LIN52: variants seen among roughly 807,000 people sequenced by gnomAD.
LIN52 encodes the protein protein lin-52 homolog.
LIN52 carries 4 observed loss-of-function variants against 18.5 expected under a neutral mutation model. The ratio of observed to expected loss-of-function variants is 0.22; its 90% confidence interval spans 0.11 to 0.49. LIN52 has a LOEUF of 0.49. LIN52 is among the 20% of genes least tolerant of loss of function. The pLI, the probability that LIN52 is intolerant of heterozygous loss-of-function variation, is 0.97. For missense variants in LIN52, 102 were observed against 139.5 expected, an observed-to-expected ratio of 0.73 and a Z score of 1.35; for synonymous variants, 34 against 45.5, an observed-to-expected ratio of 0.75 and a Z score of 1.02.
chr14:74,184,078 G>A (rs973950928), intron 5 of LIN52, among the ~76,000 whole-genome samples: 8 of 152,096 alleles, frequency 5.3e-5, no homozygotes, highest in African/African-American at 1.7e-4. Context: ...AAGAAGATGG[G>A]TTGTTTGTCT....
At chr14:74,124,836 T>C (rs1375258142) in intron 5 of LIN52, among the ~76,000 whole-genome samples, 1 of 111,368 alleles carries the variant, frequency 9.0e-6, no homozygotes, top group South Asian at 4.1e-4. Flanking sequence ...AAAAAAAAGC[T>C]GAGAGGCTCT....
intron 5 of LIN52, among the ~76,000 whole-genome samples, chr14:74,113,241 A>T (rs1229777144): frequency 6.6e-6 from 1 of 152,070 alleles, no homozygotes; most frequent in African/African-American, 2.4e-5. Flanking sequence ...AAAATACACA[A>T]ATTAGCCAGG....
At chr14:74,151,807 C>T (rs927138583) in intron 5 of LIN52, among the ~76,000 whole-genome samples, 1 of 152,146 alleles carries the variant, frequency 6.6e-6, no homozygotes, top group Non-Finnish European at 1.5e-5. Context: ...CATGCAAGTC[C>T]TGACTTTGCT....
At chr14:74,168,391 G>A (rs909742006) in intron 5 of LIN52, among the ~76,000 whole-genome samples, 12 of 152,230 alleles carry the variant, frequency 7.9e-5, no homozygotes, top group African/African-American at 2.2e-4. Context: ...CAGCTTTGCC[G>A]GGCGCGGTGG....
chr14:74,179,972 C>T (rs116143093), intron 5 of LIN52, among the ~76,000 whole-genome samples: 2,077 of 152,246 alleles, frequency 0.014, 47 homozygotes, highest in African/African-American at 0.046. Flanking sequence ...TCTTGAGTTT[C>T]TGATTCAGTA....
chr14:74,198,896 A>C (rs1156286248), intron 5 of LIN52, 26 bp from the exon 6 acceptor site: 2 of 1,568,592 alleles, frequency 1.3e-6, no homozygotes, highest in Admixed American at 3.4e-5. Context: ...GTTTTCATTG[A>C]TCATTTGTTT....
chr14:74,107,510 C>T (rs2060904006), intron 5 of LIN52, among the ~76,000 whole-genome samples: 1 of 152,102 alleles, frequency 6.6e-6, no homozygotes, highest in Non-Finnish European at 1.5e-5. Flanking sequence ...AGTGAGTGCT[C>T]TCTCTGGCCT....
intron 5 of LIN52, among the ~76,000 whole-genome samples, chr14:74,184,925 T>G (rs902683392): frequency 7.9e-5 from 12 of 152,012 alleles, no homozygotes; most frequent in Admixed American, 6.5e-4. Context: ...TCTTTTTTCT[T>G]TTTTATTTAT....
intron 5 of LIN52, among the ~76,000 whole-genome samples, chr14:74,178,791 AAT>A (rs1449256851): frequency 2.0e-5 from 3 of 151,978 alleles, no homozygotes; most frequent in Non-Finnish European, 2.9e-5. Context: ...CTTCAAAAAA[AAT>A]AGAGAGGCTG....
chr14:74,159,927 A>G (rs566500121), intron 5 of LIN52, among the ~76,000 whole-genome samples: 3 of 152,240 alleles, frequency 2.0e-5, no homozygotes, highest in South Asian at 2.1e-4. Context: ...AGCGTTCTCA[A>G]CTTTGGCACC....
At chr14:74,126,312 G>T (rs2061029721) in intron 5 of LIN52, among the ~76,000 whole-genome samples, 1 of 152,214 alleles carries the variant, frequency 6.6e-6, no homozygotes, top group Non-Finnish European at 1.5e-5. Flanking sequence ...TATACTCCCT[G>T]TGGGAAACTG....
intron 5 of LIN52, among the ~76,000 whole-genome samples, chr14:74,156,256 C>T (rs1278429084): frequency 6.6e-6 from 1 of 152,150 alleles, no homozygotes; most frequent in Non-Finnish European, 1.5e-5. Flanking sequence ...AGAAAACAAA[C>T]ATCAAGCCTT....
In LIN52 at chr14:74,199,097, GC is replaced by G. The variant is rs1371131316; in HGVS notation, c.*123del. 9 of 692,934 alleles carry G rather than the reference GC, an allele frequency of 1.3e-5. No homozygotes were observed. Among genetic ancestry groups the G allele is most frequent in the Non-Finnish European group, 2.3e-5 (9 of 393,222 alleles). 42.9% of individuals were successfully genotyped at this position (692,934 alleles called of 1,614,324 possible). A position where few individuals can be genotyped will look rare whatever the true frequency, so the allele number is the denominator to read the frequency against. On this transcript the variant is annotated 3_prime_UTR_variant, in exon 6 of 6. Transcript: ENST00000555028. ...GGCCAGAGGGTGTACCTCCAGGACT[GC>G]CCTCTCCCCTGCTCCTGGCACTCTA...
intron 5 of LIN52, among the ~76,000 whole-genome samples, chr14:74,125,545 A>G (rs577127808): frequency 6.6e-6 from 1 of 151,886 alleles, no homozygotes; most frequent in Non-Finnish European, 1.5e-5. Context: ...GATTGCAAAA[A>G]TTTTCTCCCA....
chr14:74,194,926 A>T (rs567867638), intron 5 of LIN52, among the ~76,000 whole-genome samples: 1 of 152,160 alleles, frequency 6.6e-6, no homozygotes, highest in Non-Finnish European at 1.5e-5. Flanking sequence ...GGGCAGATCA[A>T]CTGAGGTCAG....
intron 5 of LIN52, among the ~76,000 whole-genome samples, chr14:74,105,719 G>A (rs572253594): frequency 6.6e-6 from 1 of 152,074 alleles, no homozygotes; most frequent in South Asian, 2.1e-4. Flanking sequence ...ATAAGCAGTA[G>A]GAACTGATGA....
At chr14:74,086,425 G>A (rs2060732011) in intron 1 of LIN52, among the ~76,000 whole-genome samples, 1 of 152,058 alleles carries the variant, frequency 6.6e-6, no homozygotes, top group African/African-American at 2.4e-5. Context: ...GGCTGAGGCA[G>A]GCAGATCGCC....
intron 5 of LIN52, among the ~76,000 whole-genome samples, chr14:74,103,288 AG>A (rs1193971762): frequency 1.3e-5 from 2 of 152,168 alleles, no homozygotes; most frequent in African/African-American, 4.8e-5. Flanking sequence ...CCTGGTGGCC[AG>A]GCTGGTCTCA....
intron 5 of LIN52, among the ~76,000 whole-genome samples, chr14:74,171,750 T>TTTC (rs1418109719): frequency 1.7e-5 from 2 of 115,278 alleles, no homozygotes; most frequent in African/African-American, 6.0e-5. Flanking sequence ...TTTTTTTTTT[T>TTTC]TTTTTTGAGA....
Sources: allele counts gnomAD v4.1 joint callset (sites outside exome capture counted in the v4.1 genomes callset), GRCh38; gene constraint gnomAD v4.1.1; transcripts MANE v1.5; gene names NCBI Gene and HGNC (gene_info 2026-07-23, HGNC 2026-07-21).